LTBP2: variants seen among roughly 807,000 people sequenced by gnomAD.
LTBP2 encodes the protein latent-transforming growth factor beta-binding protein 2.
A neutral mutation model predicts 210.6 loss-of-function variants in LTBP2; 103 were observed. The observed-to-expected ratio is 0.49, with a 90% CI of 0.42 to 0.58. The LOEUF is 0.58. Among genes scored for constraint, LTBP2 ranks in the 20% least tolerant of loss-of-function variants. The probability of loss-of-function intolerance (pLI) is 0.00; values close to 1 mark genes in which losing one functional copy is unlikely to be tolerated. For synonymous variants in LTBP2, 1,007 were observed against 1,015.0 expected, an observed-to-expected ratio of 0.99 and a Z score of 0.15; for missense variants, 2,313 against 2,494.5, an observed-to-expected ratio of 0.93 and a Z score of 1.55.
intron 3 of LTBP2, among the ~76,000 whole-genome samples, chr14:74,567,160 G>T (rs1259642066): frequency 6.6e-6 from 1 of 152,190 alleles, no homozygotes; most frequent in African/African-American, 2.4e-5. Context: ...CCCAGCCCTT[G>T]CCTGCAGCCC....
At position 74,552,410 on chromosome 14, in the gene LTBP2, C is replaced by T. The variant is rs1211677293; in HGVS notation, c.1193-17G>A. 1 of 1,600,142 alleles carries T rather than the reference C, an allele frequency of 6.2e-7. No homozygotes were observed. Among genetic ancestry groups the T allele is most frequent in the Non-Finnish European group, 8.5e-7 (1 of 1,179,142 alleles). Reference sequence around the variant, plus strand: ...GGCAGAAATCTGCAACATCAACCCTCAAGGTAACCAGCGGTGGAAGAACAG... The same window carrying T: ...GGCAGAAATCTGCAACATCAACCCTTAAGGTAACCAGCGGTGGAAGAACAG... On this transcript the variant is annotated splice_polypyrimidine_tract_variant and intron_variant, in intron 5 of 35. Coordinates refer to ENST00000261978, the MANE Select transcript of LTBP2 (RefSeq NM_000428.3).
At chr14:74,538,910 T>A (rs986631651) in intron 8 of LTBP2, among the ~76,000 whole-genome samples, 1 of 152,116 alleles carries the variant, frequency 6.6e-6, no homozygotes, top group Non-Finnish European at 1.5e-5. Context: ...CTGGGAGATG[T>A]GCACGTCCCT....
In LTBP2 at chr14:74,508,934, T is replaced by A; in HGVS notation, c.3422A>T (p.Asp1141Val). 6.2e-7 allele frequency: 1 copy of A among 1,612,792 alleles called. No individual in the cohort carries two copies. Among genetic ancestry groups the A allele is most frequent in the Non-Finnish European group, 8.5e-7 (1 of 1,179,760 alleles). ...GCCTCCCAGGCAGCTGCTCTGGGGGTCTTCACATTCATCCACATCTGCAGG... is the reference window on the plus strand; with the variant it reads ...GCCTCCCAGGCAGCTGCTCTGGGGGACTTCACATTCATCCACATCTGCAGG... ...DSCEDVDECE[D>V]PQSSCLGGEC... Residue 1141 changes from aspartate (D) to valine (V), a missense_variant, in exon 23 of 36, where the codon GAC (aspartate) becomes GTC (valine). Physicochemically the swap from Asp to Val is radical, Grantham distance 152 (BLOSUM62 -3). This residue lies in a region of LTBP2 where 1,867 missense variants were observed against 1,976.9 expected (regional missense o/e 0.94). Coordinates refer to ENST00000261978, the MANE Select transcript of LTBP2 (RefSeq NM_000428.3).
chr14:74,505,940 C>G (rs1451217593), intron 28 of LTBP2, 108 bp downstream of exon 28: 1 of 1,490,280 alleles, frequency 6.7e-7, no homozygotes. Flanking sequence ...GCCCCAGGCC[C>G]TGGCCCAGTG....
intron 2 of LTBP2, among the ~76,000 whole-genome samples, chr14:74,592,821 G>A (rs529188795): frequency 5.9e-5 from 9 of 152,266 alleles, no homozygotes; most frequent in South Asian, 2.1e-4. Context: ...TGCAGAAGAC[G>A]GAATACCCCC....
intron 8 of LTBP2, among the ~76,000 whole-genome samples, chr14:74,539,142 G>T (rs1164753294): frequency 6.6e-6 from 1 of 152,242 alleles, no homozygotes; most frequent in Admixed American, 6.5e-5. Context: ...GGTACACATG[G>T]TCATGTCTGT....
In LTBP2 at chr14:74,508,026, T is replaced by C; in HGVS notation, c.3722A>G (p.Asn1241Ser). The C allele has an allele frequency of 6.2e-7, 1 of 1,613,920 alleles. No individual in the cohort carries two copies. Among genetic ancestry groups the C allele is most frequent in the Non-Finnish European group, 8.5e-7 (1 of 1,180,008 alleles). The change falls in exon 25 of 36, where the codon AAC becomes AGC. Residue 1241 changes from asparagine (N) to serine (S), a missense_variant. By Grantham distance (46) the Asn-to-Ser change is conservative. This residue lies in a region of LTBP2 where 1,867 missense variants were observed against 1,976.9 expected (regional missense o/e 0.94). Coordinates refer to ENST00000261978, the MANE Select transcript of LTBP2 (RefSeq NM_000428.3). ...CTGGAAGCCAGTCTCACATAGACAG[T>C]TGAAGGAGCCCTCGGTGTTGACACA... Reference protein sequence around the residue: ...GHCVNTEGSFNCLCETGFQPS... With the variant: ...GHCVNTEGSFSCLCETGFQPS...
At chr14:74,539,988 A>G (rs996583916) in intron 8 of LTBP2, among the ~76,000 whole-genome samples, 1 of 152,130 alleles carries the variant, frequency 6.6e-6, no homozygotes, top group Non-Finnish European at 1.5e-5. Flanking sequence ...TGCGTGGGCA[A>G]TTCTTCATGA....
chr14:74,597,343 A>G (rs1595299988), intron 2 of LTBP2, among the ~76,000 whole-genome samples: 1 of 152,292 alleles, frequency 6.6e-6, no homozygotes, highest in East Asian at 1.9e-4. Flanking sequence ...GGGATTTGGA[A>G]GGTCTGGGGA....
In LTBP2 at chr14:74,611,715, G is replaced by A; in HGVS notation, c.230C>T (p.Ala77Val). The part of the protein sequence containing the change: ...KVYSLFREQD[A>V]PVAGLQPVER... ...CACGGGCTGCAAGCCCGCGACAGGC[G>A]CGTCCTGCTCCCGGAACAGACTGTA... Residue 77 changes from alanine (A) to valine (V), a missense_variant, in exon 1 of 36, where the codon GCG becomes GTG. By Grantham distance (64) the Ala-to-Val change is moderately conservative. This residue lies in a region of LTBP2 where 1,867 missense variants were observed against 1,976.9 expected (regional missense o/e 0.94). Transcript: ENST00000261978. The A allele has an allele frequency of 6.3e-7, 1 of 1,594,372 alleles. No individual in the cohort carries two copies. Among genetic ancestry groups the A allele is most frequent in the Non-Finnish European group, 8.5e-7 (1 of 1,175,804 alleles).
intron 3 of LTBP2, among the ~76,000 whole-genome samples, chr14:74,562,213 A>G (rs1595277312): frequency 6.8e-6 from 1 of 147,352 alleles, no homozygotes; most frequent in East Asian, 2.0e-4. Context: ...TCCGTCTCAG[A>G]AAAAAAAAAA....
chr14:74,589,585 C>T (rs1371943879), intron 2 of LTBP2, among the ~76,000 whole-genome samples: 1 of 152,220 alleles, frequency 6.6e-6, no homozygotes, highest in Non-Finnish European at 1.5e-5. Context: ...CTTCCCCAAA[C>T]ACAAACTGCC....
At chr14:74,524,991 G>T in intron 15 of LTBP2, 133 bp downstream of exon 15, 1 of 461,758 alleles carries the variant, frequency 2.2e-6, no homozygotes. Context: ...CCAGCTGGGA[G>T]CCTGCTGGGG....
rs1566610973 is a variant in LTBP2 at position 74,501,609 on chromosome 14, A to G, written c.5171-19T>C. 2 of 1,613,670 alleles carry G rather than the reference A, an allele frequency of 1.2e-6. No homozygotes were observed. The highest frequency in any genetic ancestry group is 8.5e-7 in the Non-Finnish European group (1 of 1,179,988). On this transcript the variant is annotated intron_variant, in intron 34 of 35. Coordinates refer to ENST00000261978, the MANE Select transcript of LTBP2 (RefSeq NM_000428.3). ...GGGGGCTCTGGGAGGAGGAAATCGG[A>G]GAGAGGAGGAGGCTGAGGGCTGTGT... is the stretch of plus-strand genomic sequence containing the variant.
In LTBP2 at chr14:74,589,932, G is replaced by C. The variant is rs780261672; in HGVS notation, c.566-3814C>G. 1.1e-4 allele frequency among the ~76,000 whole-genome samples: 16 copies of C among 152,270 alleles called. No individual in the cohort carries two copies. The South Asian group carries it at 1.9e-3, about 18-fold the overall frequency. ...TCTGAGTGTGTGGTCCTTGCCCCGA[G>C]GATGGCCTTTGGAAAACAGTCTAGC... On this transcript the variant is annotated intron_variant, in intron 2 of 35. Transcript: ENST00000261978.
chr14:74,572,699 G>A (rs554708931), intron 3 of LTBP2, among the ~76,000 whole-genome samples: 1 of 152,060 alleles, frequency 6.6e-6, no homozygotes, highest in Admixed American at 6.5e-5. Context: ...TCTCCATTAT[G>A]ACTTTTGAGA....
chr14:74,611,478 G>A lies in LTBP2; in HGVS notation c.467C>T (p.Pro156Leu), dbSNP rs747188312. 6.7e-7 allele frequency: 1 copy of A among 1,498,172 alleles called. No homozygotes were observed. The highest frequency in any genetic ancestry group is 8.8e-7 in the Non-Finnish European group (1 of 1,135,998). The allele number at this position is 1,498,172 out of a possible 1,614,324, so 92.8% of individuals were successfully genotyped here. A position where few individuals can be genotyped will look rare whatever the true frequency, so the allele number is the denominator to read the frequency against. The change falls in exon 1 of 36, where the codon CCA (proline) becomes CTA (leucine). Residue 156 changes from proline (P) to leucine (L), a missense_variant. This residue lies in a region of LTBP2 where 1,867 missense variants were observed against 1,976.9 expected (regional missense o/e 0.94). Coordinates refer to ENST00000261978, the MANE Select transcript of LTBP2 (RefSeq NM_000428.3). Reference sequence around the variant, plus strand: ...CGTGAGCCGCCCTCGCGGCGGGGTTGGGGGCGCAGCCCCAGACCGCTGTGG... The same window carrying A: ...CGTGAGCCGCCCTCGCGGCGGGGTTAGGGGCGCAGCCCCAGACCGCTGTGG... ...GTPQRSGAAP[P>L]TPPRGRLTGR...
At chr14:74,565,851 G>C (rs1348207414) in intron 3 of LTBP2, among the ~76,000 whole-genome samples, 1 of 152,154 alleles carries the variant, frequency 6.6e-6, no homozygotes, top group East Asian at 1.9e-4. Context: ...AATTTAAAAG[G>C]GGAAAATGTA....
rs199938652 is a variant in LTBP2 at position 74,526,061 on chromosome 14, G to A, written c.2428+14C>T. On this transcript the variant is annotated intron_variant, in intron 14 of 35. Transcript: ENST00000261978. ...TTCTCTTTTGCCTAGGAGCCGCCAG[G>A]AAGAGGGACTCACCTGTGACCCAGG... is the stretch of plus-strand genomic sequence containing the variant. The A allele has an allele frequency of 1.2e-5, 20 of 1,601,096 alleles. No homozygotes were observed. In the East Asian group the frequency reaches 4.3e-4, roughly 34 times the overall value.
Sources: allele counts gnomAD v4.1 joint callset (sites outside exome capture counted in the v4.1 genomes callset), GRCh38; gene constraint gnomAD v4.1.1; regional missense constraint gnomAD v4.1.1; transcripts MANE v1.5; gene names NCBI Gene and HGNC (gene_info 2026-07-23, HGNC 2026-07-21).